The following IGF1R variants were observed in gnomAD, a reference collection of about 807,000 sequenced individuals.
The protein encoded by IGF1R is insulin like growth factor 1 receptor, also known as insulin-like growth factor 1 receptor.
In IGF1R, 44 loss-of-function variants were observed where a neutral mutation model predicts 144.6. That is an observed-to-expected ratio of 0.30 (90% CI 0.24 to 0.39). IGF1R has a LOEUF of 0.39. IGF1R is among the 10% of genes least tolerant of loss of function. The pLI, the probability that IGF1R is intolerant of heterozygous loss-of-function variation, is 1.00. For synonymous variants in IGF1R, 795 were observed against 722.8 expected (o/e 1.10, Z -1.60); for missense variants, 1,355 against 1,833.7 (o/e 0.74, Z 4.77).
chr15:98,815,233 G>A (rs1376355112), intron 2 of IGF1R, among the ~76,000 whole-genome samples: 1 of 152,230 alleles, frequency 6.6e-6, no homozygotes, highest in Non-Finnish European at 1.5e-5. Flanking sequence ...CTCTCTTCTG[G>A]TGAAAGAACT....
intron 19 of IGF1R, among the ~76,000 whole-genome samples, 198 bp downstream of exon 19, chr15:98,943,250 G>A (rs1003359374): frequency 6.6e-5 from 10 of 152,198 alleles, no homozygotes; most frequent in African/African-American, 1.2e-4. Flanking sequence ...AAGGGCATTC[G>A]TGGGATTTTA....
chr15:98,649,755 T>A, intron 1 of IGF1R, 80 bp downstream of exon 1: 1 of 1,098,868 alleles, frequency 9.1e-7, no homozygotes, highest in East Asian at 2.5e-5. Flanking sequence ...AAACCCGAGT[T>A]GCCACCGTCG....
intron 1 of IGF1R, among the ~76,000 whole-genome samples, chr15:98,653,346 A>G (rs2052414360): frequency 1.3e-5 from 2 of 152,220 alleles, no homozygotes. Flanking sequence ...ATGTTTTCCA[A>G]CAAAGAAAGA....
chr15:98,748,247 A>G (rs1326478573), intron 2 of IGF1R, among the ~76,000 whole-genome samples: 1 of 152,206 alleles, frequency 6.6e-6, no homozygotes, highest in African/African-American at 2.4e-5. Flanking sequence ...GCTCACTGGG[A>G]CCTCAAACAC....
chr15:98,817,488 G>A (rs905375711), intron 2 of IGF1R, among the ~76,000 whole-genome samples: 27 of 152,060 alleles, frequency 1.8e-4, no homozygotes, highest in African/African-American at 6.3e-4. Context: ...GAGGGGTGCT[G>A]TATTACGCTG....
chr15:98,924,829 C>T (rs2015643588), intron 13 of IGF1R, 145 bp downstream of exon 13: 3 of 764,082 alleles, frequency 3.9e-6, no homozygotes. Flanking sequence ...AAGGTGCCGG[C>T]ACATACCGGC....
intron 1 of IGF1R, among the ~76,000 whole-genome samples, chr15:98,668,961 T>G (rs745581518): frequency 9.9e-5 from 15 of 152,220 alleles, no homozygotes; most frequent in Non-Finnish European, 2.2e-4. Context: ...GTTAATTGTT[T>G]ATGAGCATTA....
chr15:98,860,284 C>T (rs766254153), intron 2 of IGF1R, among the ~76,000 whole-genome samples: 2 of 152,224 alleles, frequency 1.3e-5, no homozygotes, highest in Non-Finnish European at 2.9e-5. Flanking sequence ...GCACTTAGTA[C>T]AACAATCCAA....
At position 98,959,954 on chromosome 15, in the gene IGF1R, TA is replaced by T. The variant is rs2017158579; in HGVS notation, c.*2515del. 1 of 227,252 alleles carries T rather than the reference TA, an allele frequency of 4.4e-6. No individual in the cohort carries two copies. Among genetic ancestry groups the T allele is most frequent in the South Asian group, 2.0e-4 (1 of 5,050 alleles). 14.1% of individuals were successfully genotyped at this position (227,252 alleles called of 1,614,324 possible). A position where few individuals can be genotyped will look rare whatever the true frequency, so the allele number is the denominator to read the frequency against. ...CTGTAGAAAAGCCCCATTATGAATT[TA>T]AATTTCAAGGAAAGGGTGTGTGTGT... On this transcript the variant is annotated 3_prime_UTR_variant, in exon 21 of 21. Coordinates refer to ENST00000650285, the MANE Select transcript of IGF1R (RefSeq NM_000875.5).
intron 4 of IGF1R, 78 bp from the exon 5 acceptor site, chr15:98,899,399 A>C (rs1055396610): frequency 5.4e-6 from 8 of 1,474,650 alleles, no homozygotes; most frequent in Non-Finnish European, 7.6e-6. Context: ...AATTGTTCTC[A>C]CTTGTGTTTG....
intron 2 of IGF1R, among the ~76,000 whole-genome samples, chr15:98,732,434 A>G (rs1446474491): frequency 6.6e-6 from 1 of 152,192 alleles, no homozygotes; most frequent in Non-Finnish European, 1.5e-5. Context: ...CTTTACAGGC[A>G]GTGACGGTGA....
intron 1 of IGF1R, among the ~76,000 whole-genome samples, chr15:98,703,106 C>T: frequency 6.6e-6 from 1 of 152,102 alleles, no homozygotes; most frequent in East Asian, 1.9e-4. Flanking sequence ...TGAGGCCCCA[C>T]TGTCCCCATC....
At chr15:98,766,610 T>G (rs2055442642) in intron 2 of IGF1R, among the ~76,000 whole-genome samples, 1 of 152,222 alleles carries the variant, frequency 6.6e-6, no homozygotes, top group African/African-American at 2.4e-5. Flanking sequence ...ATTAACTCTC[T>G]GGGGGTCCAT....
In IGF1R at chr15:98,957,519, C is replaced by G; in HGVS notation, c.*77C>G. On this transcript the variant is annotated 3_prime_UTR_variant, in exon 21 of 21. Coordinates refer to ENST00000650285, the MANE Select transcript of IGF1R (RefSeq NM_000875.5). ...GGTGGGGGGGGAGAGAGAGTTTTAA[C>G]AATCCATTCACAAGCCTCCTGTACC... 1.9e-6 allele frequency: 3 copies of G among 1,585,902 alleles called. No homozygotes were observed. Among genetic ancestry groups the G allele is most frequent in the Non-Finnish European group, 2.6e-6 (3 of 1,160,054 alleles).
chr15:98,874,212 A>G (rs960258691), intron 2 of IGF1R, among the ~76,000 whole-genome samples: 1 of 152,168 alleles, frequency 6.6e-6, no homozygotes, highest in African/African-American at 2.4e-5. Context: ...AAGTCTTCCC[A>G]TCTGTGAAGC....
At chr15:98,893,010 C>T (rs1232385077) in intron 3 of IGF1R, among the ~76,000 whole-genome samples, 1 of 152,116 alleles carries the variant, frequency 6.6e-6, no homozygotes, top group African/African-American at 2.4e-5. Flanking sequence ...GAGACCCTGT[C>T]TCAAAAAAAA....
intron 2 of IGF1R, among the ~76,000 whole-genome samples, chr15:98,865,646 G>A (rs1032436952): frequency 2.6e-5 from 4 of 152,284 alleles, no homozygotes; most frequent in East Asian, 1.9e-4. Flanking sequence ...CTTTAATTTT[G>A]ATATTTGGAA....
At chr15:98,837,396 C>T (rs572556015) in intron 2 of IGF1R, among the ~76,000 whole-genome samples, 12 of 152,280 alleles carry the variant, frequency 7.9e-5, no homozygotes, top group Admixed American at 6.5e-4. Flanking sequence ...CAGGCACCAC[C>T]ACACCCAGCT....
intron 1 of IGF1R, among the ~76,000 whole-genome samples, chr15:98,680,546 G>GTGA (rs2141212932): frequency 6.6e-6 from 1 of 152,022 alleles, no homozygotes; most frequent in Non-Finnish European, 1.5e-5. Context: ...GATTACAGGC[G>GTGA]TGAGCCACCG....
Sources: allele counts gnomAD v4.1 joint callset (sites outside exome capture counted in the v4.1 genomes callset), GRCh38; gene constraint gnomAD v4.1.1; transcripts MANE v1.5; gene names NCBI Gene and HGNC (gene_info 2026-07-23, HGNC 2026-07-21).